Variants in PABPC4L observed in about 807,000 individuals in gnomAD.
The protein encoded by PABPC4L is polyadenylate-binding protein 4-like.
For missense variants in PABPC4L, 452 were observed against 451.4 expected (o/e 1.00, Z -0.01); for synonymous variants, 169 against 164.1 (o/e 1.03, Z -0.23).
chr4:134,135,815 A>G, the PABPC4L span, among the ~76,000 whole-genome samples: 1 of 152,132 alleles, frequency 6.6e-6, no homozygotes, highest in East Asian at 1.9e-4. Flanking sequence ...CCTGGGCAAC[A>G]AGAGCAAAAC....
chr4:134,054,316 T>C, the PABPC4L span, among the ~76,000 whole-genome samples: 1 of 144,704 alleles, frequency 6.9e-6, no homozygotes, highest in Non-Finnish European at 1.5e-5. Flanking sequence ...TTGATTGCAA[T>C]TCTGGAGTTT....
the PABPC4L span, among the ~76,000 whole-genome samples, chr4:134,103,221 A>G: frequency 6.6e-6 from 1 of 151,678 alleles, no homozygotes; most frequent in Non-Finnish European, 1.5e-5. Flanking sequence ...ATAAGGTGTC[A>G]CTGCACTAGT....
the PABPC4L span, among the ~76,000 whole-genome samples, chr4:134,144,311 C>A: frequency 4.0e-5 from 6 of 151,538 alleles, no homozygotes; most frequent in Non-Finnish European, 7.4e-5. Context: ...CTATACCTAT[C>A]TATTTTCTAG....
At chr4:134,013,526 C>T in the PABPC4L span, among the ~76,000 whole-genome samples, 6 of 152,150 alleles carry the variant, frequency 3.9e-5, no homozygotes, top group South Asian at 4.2e-4. Context: ...TTTTCTTCTG[C>T]GATGCCACTT....
At chr4:134,003,493 C>T in the PABPC4L span, among the ~76,000 whole-genome samples, 1 of 151,794 alleles carries the variant, frequency 6.6e-6, no homozygotes, top group Non-Finnish European at 1.5e-5. Context: ...ACAGTGCTTT[C>T]ATGTGGGATT....
At chr4:134,187,198 T>C in the PABPC4L span, among the ~76,000 whole-genome samples, 1 of 152,014 alleles carries the variant, frequency 6.6e-6, no homozygotes, top group Non-Finnish European at 1.5e-5. Context: ...ACGGGACATA[T>C]AACCAAAGGA....
chr4:134,064,783 T>C, the PABPC4L span, among the ~76,000 whole-genome samples: 1 of 152,024 alleles, frequency 6.6e-6, no homozygotes, highest in Non-Finnish European at 1.5e-5. Flanking sequence ...CCAGTGTCTG[T>C]TGCTTCCTTC....
At chr4:134,106,639 G>A in the PABPC4L span, among the ~76,000 whole-genome samples, 3 of 151,478 alleles carry the variant, frequency 2.0e-5, no homozygotes, top group Non-Finnish European at 4.4e-5. Flanking sequence ...GTAATTAATA[G>A]CAGTAATCAA....
the PABPC4L span, among the ~76,000 whole-genome samples, chr4:134,040,674 T>A: frequency 4.6e-5 from 7 of 152,096 alleles, no homozygotes. Context: ...GGGCAAAGAC[T>A]TCATGACTAA....
the PABPC4L span, among the ~76,000 whole-genome samples, chr4:134,042,674 G>A: frequency 1.3e-5 from 2 of 152,114 alleles, no homozygotes; most frequent in Non-Finnish European, 2.9e-5. Context: ...CCTCTAATTG[G>A]AGTTTTTCTG....
At chr4:134,075,396 A>G in the PABPC4L span, among the ~76,000 whole-genome samples, 1 of 152,292 alleles carries the variant, frequency 6.6e-6, no homozygotes, top group Non-Finnish European at 1.5e-5. Flanking sequence ...GTCTTAGTCA[A>G]TATCTTCATT....
the PABPC4L span, among the ~76,000 whole-genome samples, chr4:134,076,411 G>A: frequency 1.3e-5 from 2 of 152,114 alleles, no homozygotes; most frequent in East Asian, 3.9e-4. Context: ...GGATTGATAG[G>A]TGAAGCCGAA....
At chr4:134,113,093 T>A in the PABPC4L span, among the ~76,000 whole-genome samples, 3 of 151,954 alleles carry the variant, frequency 2.0e-5, no homozygotes, top group Non-Finnish European at 2.9e-5. Flanking sequence ...GAAAGAAATA[T>A]TTTCATACAT....
At chr4:134,046,314 G>C in the PABPC4L span, among the ~76,000 whole-genome samples, 9 of 152,098 alleles carry the variant, frequency 5.9e-5, no homozygotes, top group African/African-American at 1.2e-4. Context: ...TGTGCACGTA[G>C]GCCAGATTTA....
the PABPC4L span, among the ~76,000 whole-genome samples, chr4:134,012,543 C>T: frequency 9.9e-5 from 15 of 152,278 alleles, 1 homozygote; most frequent in Middle Eastern, 0.01. Flanking sequence ...GGACTCAGCC[C>T]GCCTGCACCC....
the PABPC4L span, among the ~76,000 whole-genome samples, chr4:133,961,686 T>C: frequency 6.6e-6 from 1 of 152,114 alleles, no homozygotes; most frequent in African/African-American, 2.4e-5. Flanking sequence ...CTGTGTTTGT[T>C]ATGGCTTGAG....
At chr4:134,000,274 A>G in the PABPC4L span, among the ~76,000 whole-genome samples, 2 of 152,178 alleles carry the variant, frequency 1.3e-5, no homozygotes, top group African/African-American at 4.8e-5. Context: ...TAGATGACAA[A>G]AGCAATGATT....
At chr4:134,048,397 C>G in the PABPC4L span, among the ~76,000 whole-genome samples, 2 of 152,028 alleles carry the variant, frequency 1.3e-5, no homozygotes, top group African/African-American at 2.4e-5. Flanking sequence ...AGGTATTTAA[C>G]CAAAATGTGC....
At chr4:134,050,406 A>T in the PABPC4L span, among the ~76,000 whole-genome samples, 1 of 152,114 alleles carries the variant, frequency 6.6e-6, no homozygotes, top group Admixed American at 6.6e-5. Flanking sequence ...TGTAAAATCT[A>T]CAAAAGAAGT....
Sources: gnomAD v4.1 joint callset for allele counts (sites outside exome capture counted in the v4.1 genomes callset) on GRCh38, gnomAD v4.1.1 for gene constraint, MANE v1.5 for transcripts, NCBI Gene and HGNC (gene_info 2026-07-23, HGNC 2026-07-21) for gene names.